Variants in SESTD1 observed in about 807,000 individuals in gnomAD.
SESTD1 encodes the protein SEC14 domain and spectrin repeat-containing protein 1.
In SESTD1, 43 loss-of-function variants were observed where a neutral mutation model predicts 101.7. The ratio of observed to expected loss-of-function variants is 0.42; its 90% CI spans 0.33 to 0.55. The LOEUF (loss-of-function observed/expected upper bound fraction) is 0.55. Ranked by LOEUF, SESTD1 falls within the 20% of genes least tolerant of loss-of-function variation. The probability of loss-of-function intolerance (pLI) is 0.07; values close to 1 mark genes in which losing one functional copy is unlikely to be tolerated. For missense variants in SESTD1, 647 were observed against 815.1 expected (o/e 0.79, Z 2.51); for synonymous variants, 283 against 286.8 (o/e 0.99, Z 0.13).
chr2:179,215,984 T>A lies in SESTD1; in HGVS notation c.-25-24118A>T, dbSNP rs1469230693. ...CTCAATACTAGGTATTGATGAAACA[T>A]AACTCAAAATAGTAAGAACTATATG... On this transcript the variant is annotated intron_variant, in intron 1 of 17. Coordinates refer to ENST00000428443, the MANE Select transcript of SESTD1 (RefSeq NM_178123.5). Among the ~76,000 whole-genome samples, 4 of 134,934 alleles carry A rather than the reference T, an allele frequency of 3.0e-5. 1 individual carries two copies. Among genetic ancestry groups the A allele is most frequent in the Non-Finnish European group, 6.4e-5 (4 of 62,796 alleles). The allele number at this position is 134,934 out of a possible 152,430, so 88.5% of individuals were successfully genotyped here. A position where few individuals can be genotyped will look rare whatever the true frequency, so the allele number is the denominator to read the frequency against.
intron 5 of SESTD1, among the ~76,000 whole-genome samples, chr2:179,158,289 CTCTTA>C (rs1369654303): frequency 6.6e-6 from 1 of 152,180 alleles, no homozygotes; most frequent in East Asian, 1.9e-4. Context: ...GCCATTCTCT[CTCTTA>C]TATTACCTAT....
At chr2:179,116,628 A>G in intron 15 of SESTD1, 40 bp downstream of exon 15, 1 of 1,613,910 alleles carries the variant, frequency 6.2e-7, no homozygotes, top group Non-Finnish European at 8.5e-7. Flanking sequence ...AGCTATTCAA[A>G]CACTGAGCTT....
At position 179,213,917 on chromosome 2, in the gene SESTD1, G is replaced by A. The variant is rs1438290998; in HGVS notation, c.-25-22051C>T. On this transcript the variant is annotated intron_variant, in intron 1 of 17. Transcript: ENST00000428443. Reference sequence around the variant, plus strand: ...TGAAGGAGAAATAAAATCCTTCACAGACAAGCAAATGCTGAGACATTTTGT... The same window carrying A: ...TGAAGGAGAAATAAAATCCTTCACAAACAAGCAAATGCTGAGACATTTTGT... Among the ~76,000 whole-genome samples the A allele has an allele frequency of 6.7e-5, 9 of 134,684 alleles. 1 individual carries two copies. The highest frequency in any genetic ancestry group is 1.4e-4 in the Non-Finnish European group (9 of 62,778). 88.4% of individuals were successfully genotyped at this position (134,684 alleles called of 152,430 possible).
intron 5 of SESTD1, among the ~76,000 whole-genome samples, chr2:179,161,031 C>A (rs2045726048): frequency 6.6e-6 from 1 of 151,438 alleles, no homozygotes; most frequent in Non-Finnish European, 1.5e-5. Context: ...CCCTTCTCAG[C>A]CTTCCTAGTA....
At chr2:179,128,937 C>G (rs1381559532) in intron 10 of SESTD1, among the ~76,000 whole-genome samples, 3 of 152,050 alleles carry the variant, frequency 2.0e-5, no homozygotes, top group African/African-American at 7.2e-5. Flanking sequence ...CTTGAAGGTT[C>G]ACATTTAGGA....
In SESTD1 at chr2:179,109,096, G is replaced by C. The variant is rs1326015365; in HGVS notation, c.*803C>G. ...AGAAATAGTATTCCATTATTAATAA[G>C]TTCTTAAAGATCTAAATTGTTCACA... On this transcript the variant is annotated 3_prime_UTR_variant, in exon 18 of 18. Transcript: ENST00000428443. 1.3e-5 allele frequency: 2 copies of C among 152,304 alleles called. No individual in the cohort carries two copies. Among genetic ancestry groups the C allele is most frequent in the Admixed American group, 6.6e-5 (1 of 15,242 alleles). 9.4% of individuals were successfully genotyped at this position (152,304 alleles called of 1,614,324 possible).
chr2:179,257,771 T>C (rs1204441516), intron 1 of SESTD1, among the ~76,000 whole-genome samples: 2 of 152,220 alleles, frequency 1.3e-5, no homozygotes, highest in Non-Finnish European at 2.9e-5. Context: ...TCTGGCTTTC[T>C]AGTAGCCATA....
chr2:179,148,865 T>C (rs1424313234), intron 7 of SESTD1, among the ~76,000 whole-genome samples: 3 of 151,728 alleles, frequency 2.0e-5, no homozygotes, highest in Non-Finnish European at 2.9e-5. Context: ...TCGAGACCAT[T>C]CTGGGTAACA....
intron 3 of SESTD1, among the ~76,000 whole-genome samples, chr2:179,181,314 A>G (rs1189264344): frequency 2.0e-5 from 3 of 152,132 alleles, no homozygotes; most frequent in Non-Finnish European, 4.4e-5. Context: ...ATGTGATTCC[A>G]GTATACACAA....
chr2:179,147,249 T>G (rs1253201753), intron 7 of SESTD1, among the ~76,000 whole-genome samples: 1 of 152,046 alleles, frequency 6.6e-6, no homozygotes, highest in Non-Finnish European at 1.5e-5. Context: ...CAATAACACG[T>G]CAGTTCCTTG....
At chr2:179,203,309 T>C (rs2046545214) in intron 1 of SESTD1, among the ~76,000 whole-genome samples, 1 of 134,692 alleles carries the variant, frequency 7.4e-6, no homozygotes, top group Non-Finnish European at 1.6e-5. Flanking sequence ...TTTCTTTACC[T>C]ACAACTGTCT....
chr2:179,256,460 C>A (rs953183753), intron 1 of SESTD1, among the ~76,000 whole-genome samples: 4 of 152,150 alleles, frequency 2.6e-5, no homozygotes, highest in Non-Finnish European at 5.9e-5. Flanking sequence ...AACAACAGAA[C>A]TAGAATTAGA....
chr2:179,238,990 A>G (rs976820802), intron 1 of SESTD1, among the ~76,000 whole-genome samples: 30 of 152,324 alleles, frequency 2.0e-4, no homozygotes, highest in South Asian at 1.2e-3. Context: ...CAGTTTTATC[A>G]TAAGAAATTC....
At chr2:179,235,522 G>A (rs796937781) in intron 1 of SESTD1, among the ~76,000 whole-genome samples, 2 of 152,060 alleles carry the variant, frequency 1.3e-5, no homozygotes, top group African/African-American at 2.4e-5. Context: ...ACCCACATAC[G>A]TATTATAAAA....
chr2:179,237,863 T>C (rs925447677), intron 1 of SESTD1, among the ~76,000 whole-genome samples: 6 of 151,954 alleles, frequency 3.9e-5, no homozygotes, highest in African/African-American at 9.7e-5. Context: ...GCATACAAAT[T>C]TGGAAATGAA....
At chr2:179,256,869 C>A (rs6752831) in intron 1 of SESTD1, among the ~76,000 whole-genome samples, 151,261 of 151,446 alleles carry the variant, frequency 1, 75,538 homozygotes, top group East Asian at 1. Context: ...AGGAGCAAAG[C>A]AAGTAGTTTC....
intron 1 of SESTD1, among the ~76,000 whole-genome samples, chr2:179,251,160 A>G (rs561730633): frequency 1.4e-4 from 21 of 152,312 alleles, no homozygotes; most frequent in Admixed American, 6.5e-4. Flanking sequence ...AAAAAAACCA[A>G]TCCCAAAAAT....
rs1160554340 is a variant in SESTD1, at chr2:179,136,858, G to A, written c.850-4432C>T. Among the ~76,000 whole-genome samples, 7 of 152,060 alleles carry A rather than the reference G, an allele frequency of 4.6e-5. No individual in the cohort carries two copies. The South Asian group carries it at 1.2e-3, about 27-fold the overall frequency. On this transcript the variant is annotated intron_variant, in intron 9 of 17. Coordinates refer to ENST00000428443, the MANE Select transcript of SESTD1 (RefSeq NM_178123.5). ...TTAAATAAAGCAAAGATATCTCTTT[G>A]CCTCAAAAAACCAGTTACATAGTAA...
intron 1 of SESTD1, among the ~76,000 whole-genome samples, chr2:179,200,212 A>G (rs1399093407): frequency 6.6e-6 from 1 of 152,086 alleles, no homozygotes; most frequent in Non-Finnish European, 1.5e-5. Context: ...TCCAACTTAC[A>G]AGGGATGTGA....
Sources: gnomAD v4.1 joint callset for allele counts (sites outside exome capture counted in the v4.1 genomes callset) on GRCh38, gnomAD v4.1.1 for gene constraint, MANE v1.5 for transcripts, NCBI Gene and HGNC (gene_info 2026-07-23, HGNC 2026-07-21) for gene names.